The following DLGAP2 variants were observed in gnomAD, a reference collection of about 807,000 sequenced individuals.
DLGAP2 encodes the protein disks large-associated protein 2.
DLGAP2 carries 26 observed loss-of-function variants against 100.3 expected under a neutral mutation model. That is an observed-to-expected ratio of 0.26 (90% CI 0.19 to 0.36). The LOEUF is 0.36. Among genes scored for constraint, DLGAP2 ranks in the 10% least tolerant of loss-of-function variants. DLGAP2 has a pLI of 1.00. For synonymous variants in DLGAP2, 886 were observed against 630.1 expected (o/e 1.41, Z -6.08); for missense variants, 1,858 against 1,453.2 (o/e 1.28, Z -4.53).
intron 6 of DLGAP2, among the ~76,000 whole-genome samples, chr8:1,619,312 A>G (rs1220852213): frequency 2.0e-5 from 3 of 152,226 alleles, no homozygotes; most frequent in Non-Finnish European, 4.4e-5. Context: ...GTTAAAAAGA[A>G]TGACAATACA....
chr8:1,321,918 A>C (rs1223286034), intron 3 of DLGAP2, among the ~76,000 whole-genome samples: 1 of 152,200 alleles, frequency 6.6e-6, no homozygotes, highest in East Asian at 1.9e-4. Flanking sequence ...GCAACCAAAC[A>C]AACTGATTCA....
intron 1 of DLGAP2, among the ~76,000 whole-genome samples, chr8:906,068 C>T (rs1488034017): frequency 6.6e-6 from 1 of 152,224 alleles, no homozygotes; most frequent in Non-Finnish European, 1.5e-5. Context: ...CGGGGCAGGG[C>T]CCCAAGTTCC....
At chr8:1,214,004 G>T (rs1798161105) in intron 2 of DLGAP2, among the ~76,000 whole-genome samples, 1 of 148,284 alleles carries the variant, frequency 6.7e-6, no homozygotes, top group African/African-American at 2.6e-5. Flanking sequence ...CATCCATTCA[G>T]AGACCCGGCT....
intron 3 of DLGAP2, among the ~76,000 whole-genome samples, chr8:1,382,062 G>A (rs10086356): frequency 0.12 from 18,683 of 152,068 alleles, 1,682 homozygotes; most frequent in East Asian, 0.23. Context: ...CATGCAGTCA[G>A]AAATCCGCAT....
intron 5 of DLGAP2, among the ~76,000 whole-genome samples, chr8:1,553,583 G>T (rs570383276): frequency 1.7e-4 from 26 of 152,326 alleles, no homozygotes; most frequent in African/African-American, 6.0e-4. Context: ...AACACAGAGG[G>T]GAGGGGGTGC....
At chr8:851,448 C>G (rs183994755) in intron 1 of DLGAP2, among the ~76,000 whole-genome samples, 1 of 152,316 alleles carries the variant, frequency 6.6e-6, no homozygotes, top group African/African-American at 2.4e-5. Flanking sequence ...TGCTATTTCC[C>G]TGCTACTAGG....
At position 1,169,868 on chromosome 8, in the gene DLGAP2, C is replaced by A. The variant is rs559554164; in HGVS notation, c.74-88983C>A. Among the ~76,000 whole-genome samples the A allele has an allele frequency of 2.2e-4, 33 of 151,894 alleles. No homozygotes were observed. The South Asian group carries it at 6.7e-3, about 31-fold the overall frequency. ...CTTCCTCTTTTCCTAATTGAATAAC[C>A]TTTATTTCCTTCTCCTGCCTAATTG... On this transcript the variant is annotated intron_variant, in intron 2 of 14. Transcript: ENST00000637795.
At chr8:1,422,996 G>C (rs550727712) in intron 3 of DLGAP2, among the ~76,000 whole-genome samples, 1 of 152,280 alleles carries the variant, frequency 6.6e-6, no homozygotes, top group South Asian at 2.1e-4. Context: ...ATATGTGACT[G>C]TGGCTACATC....
chr8:1,301,310 T>C (rs947922730), intron 3 of DLGAP2: 1 of 152,258 alleles, frequency 6.6e-6, no homozygotes, highest in Non-Finnish European at 1.5e-5. Flanking sequence ...GTCTCCTCCA[T>C]GAGAGGCCTC....
At chr8:1,188,145 G>A (rs1411562595) in intron 2 of DLGAP2, among the ~76,000 whole-genome samples, 2 of 136,680 alleles carry the variant, frequency 1.5e-5, no homozygotes. Context: ...CGCACGCCCG[G>A]GACTTCCGTG....
intron 3 of DLGAP2, among the ~76,000 whole-genome samples, chr8:1,483,009 T>C (rs1313798937): frequency 6.6e-6 from 1 of 152,194 alleles, no homozygotes; most frequent in African/African-American, 2.4e-5. Flanking sequence ...TGTTCTTCCC[T>C]CCGGCACTGC....
intron 1 of DLGAP2, chr8:754,204 C>G (rs1820862745): frequency 6.6e-6 from 1 of 152,244 alleles, no homozygotes; most frequent in African/African-American, 2.4e-5. Flanking sequence ...CTGGGGCTCA[C>G]TTTGCGAGAC....
chr8:1,092,508 G>C (rs1023446765), intron 2 of DLGAP2, among the ~76,000 whole-genome samples: 2 of 152,192 alleles, frequency 1.3e-5, no homozygotes, highest in East Asian at 1.9e-4. Context: ...GGGAGCATGA[G>C]GGCCCTGGGT....
intron 2 of DLGAP2, among the ~76,000 whole-genome samples, chr8:1,157,680 C>G (rs1290099221): frequency 6.6e-6 from 1 of 152,150 alleles, no homozygotes; most frequent in Non-Finnish European, 1.5e-5. Flanking sequence ...AACTCTAATA[C>G]AAATAATAAT....
intron 3 of DLGAP2, among the ~76,000 whole-genome samples, chr8:1,500,255 C>T (rs1309699988): frequency 6.6e-6 from 1 of 152,286 alleles, no homozygotes; most frequent in African/African-American, 2.4e-5. Context: ...CCACTCCCCA[C>T]ACCACTCACT....
At chr8:1,257,619 C>G (rs553535336) in intron 2 of DLGAP2, among the ~76,000 whole-genome samples, 7 of 152,210 alleles carry the variant, frequency 4.6e-5, no homozygotes, top group East Asian at 1.9e-4. Context: ...GGCTGTCACG[C>G]TGGATGGCAG....
At chr8:1,130,106 TTAAGGGATCGTGTCAGACACTTC>T in intron 2 of DLGAP2, among the ~76,000 whole-genome samples, 1 of 148,088 alleles carries the variant, frequency 6.8e-6, no homozygotes, top group South Asian at 2.2e-4. Flanking sequence ...TTCACGCGAG[TTAAGGGATCGTGTCAGACACTTC>T]ACGCGAGTTA....
intron 1 of DLGAP2, among the ~76,000 whole-genome samples, chr8:870,815 C>T (rs771555344): frequency 1.1e-4 from 17 of 152,068 alleles, no homozygotes; most frequent in South Asian, 2.1e-4. Context: ...GGAGGGCTGC[C>T]GGGCCGGGCC....
At chr8:1,234,201 C>G (rs537056574) in intron 2 of DLGAP2, among the ~76,000 whole-genome samples, 2 of 152,332 alleles carry the variant, frequency 1.3e-5, no homozygotes, top group East Asian at 3.9e-4. Flanking sequence ...AGGTGGTGCA[C>G]CTGTCTGCTG....
Sources: gnomAD v4.1 joint callset for allele counts (sites outside exome capture counted in the v4.1 genomes callset) on GRCh38, gnomAD v4.1.1 for gene constraint, MANE v1.5 for transcripts, NCBI Gene and HGNC (gene_info 2026-07-23, HGNC 2026-07-21) for gene names.